The following NEK10 variants were observed in gnomAD, a reference collection of about 807,000 sequenced individuals.
The protein encoded by NEK10 is serine/threonine-protein kinase Nek10.
In NEK10, 122 loss-of-function variants were observed where a neutral mutation model predicts 159.8. The ratio of observed to expected loss-of-function variants is 0.76; its 90% CI spans 0.66 to 0.89. The LOEUF is 0.89. NEK10 is among the 40% of genes least tolerant of loss of function. NEK10 has a pLI of 0.00. For missense variants in NEK10, 1,342 were observed against 1,323.1 expected, an observed-to-expected ratio of 1.01 and a Z score of -0.22; for synonymous variants, 466 against 457.1, an observed-to-expected ratio of 1.02 and a Z score of -0.25.
chr3:27,156,849 T>C (rs1359439620), intron 30 of NEK10, among the ~76,000 whole-genome samples: 1 of 148,152 alleles, frequency 6.7e-6, no homozygotes, highest in African/African-American at 2.5e-5. Flanking sequence ...CCCATGCATG[T>C]TTGTAGCCAC....
chr3:27,149,846 C>A (rs1468359532), intron 30 of NEK10, among the ~76,000 whole-genome samples: 1 of 152,170 alleles, frequency 6.6e-6, no homozygotes, highest in Non-Finnish European at 1.5e-5. Flanking sequence ...AGCCAAGATA[C>A]CAGAAAGCTA....
rs1233337167 is a variant in NEK10, at chr3:27,107,824, G to A, written c.*3448C>T. On this transcript the variant is annotated 3_prime_UTR_variant, in exon 36 of 36. Coordinates refer to ENST00000691995, the MANE Select transcript of NEK10 (RefSeq NM_001394966.1). ...AGTTCCTTAAAAAGAAGTTTTTCCT[G>A]CCTTCAGACAGGAGCTAAAGTCATT... is the stretch of plus-strand genomic sequence containing the variant. 6.6e-6 allele frequency among the ~76,000 whole-genome samples: 1 copy of A among 152,140 alleles called. No individual in the cohort carries two copies.
chr3:27,327,406 A>C (rs1165509601), intron 5 of NEK10, among the ~76,000 whole-genome samples: 1 of 152,202 alleles, frequency 6.6e-6, no homozygotes, highest in Non-Finnish European at 1.5e-5. Flanking sequence ...CACTGTTTTC[A>C]CAGGACTATT....
At chr3:27,307,751 C>G in intron 11 of NEK10, 108 bp downstream of exon 11, 1 of 676,028 alleles carries the variant, frequency 1.5e-6, no homozygotes, top group Non-Finnish European at 2.7e-6. Flanking sequence ...CAAGCTGACT[C>G]ATCATATTCA....
chr3:27,205,531 C>T (rs1348003771), intron 23 of NEK10, among the ~76,000 whole-genome samples: 7 of 102,340 alleles, frequency 6.8e-5, no homozygotes, highest in African/African-American at 1.4e-4. Context: ...TGGAACAGAA[C>T]AGAGCCCTCA....
chr3:27,317,665 T>C (rs1559491879), intron 6 of NEK10, among the ~76,000 whole-genome samples: 1 of 152,236 alleles, frequency 6.6e-6, no homozygotes, highest in South Asian at 2.1e-4. Context: ...GCTCTCATCC[T>C]AAGCCTACGT....
chr3:27,309,134 A>T, intron 9 of NEK10, 129 bp from the exon 10 acceptor site: 3 of 496,408 alleles, frequency 6.0e-6, no homozygotes, highest in Non-Finnish European at 7.3e-6. Flanking sequence ...AAGATCATAT[A>T]GGCTTAACTG....
chr3:27,133,216 T>C (rs1942814343), intron 31 of NEK10, among the ~76,000 whole-genome samples: 1 of 152,214 alleles, frequency 6.6e-6, no homozygotes, highest in Non-Finnish European at 1.5e-5. Context: ...ACCTCTATTG[T>C]GTCAAGCCAA....
chr3:27,135,131 A>G (rs1046772739), intron 31 of NEK10, among the ~76,000 whole-genome samples: 1 of 152,086 alleles, frequency 6.6e-6, no homozygotes, highest in Non-Finnish European at 1.5e-5. Flanking sequence ...GTTTAGAAAC[A>G]TTTTCAGCCA....
rs991163917 is a variant in NEK10, at chr3:27,110,397, A to G, written c.*875T>C. ...TTTCAAAATCCTAAACAATTCATAA[A>G]CAATTTAGGTAATTGTAATAAGGAG... On this transcript the variant is annotated 3_prime_UTR_variant, in exon 36 of 36. Transcript: ENST00000691995. 2 of 152,196 alleles carry G rather than the reference A, an allele frequency of 1.3e-5. No individual in the cohort carries two copies. Among genetic ancestry groups the G allele is most frequent in the African/African-American group, 4.8e-5 (2 of 41,454 alleles). 9.4% of individuals were successfully genotyped at this position (152,196 alleles called of 1,614,324 possible). A position where few individuals can be genotyped will look rare whatever the true frequency, so the allele number is the denominator to read the frequency against.
At chr3:27,313,694 GCT>G (rs1395060618) in intron 7 of NEK10, among the ~76,000 whole-genome samples, 4 of 152,002 alleles carry the variant, frequency 2.6e-5, no homozygotes, top group African/African-American at 9.7e-5. Context: ...AATGCTAAGG[GCT>G]TCAGCCTTCC....
chr3:27,313,713 C>T (rs757978504), intron 7 of NEK10, among the ~76,000 whole-genome samples: 38 of 152,234 alleles, frequency 2.5e-4, no homozygotes, highest in Admixed American at 4.6e-4. Flanking sequence ...TTCCAGCCAT[C>T]GCCCCTTTTG....
chr3:27,346,798 G>A (rs2047585413), intron 3 of NEK10, among the ~76,000 whole-genome samples: 1 of 152,152 alleles, frequency 6.6e-6, no homozygotes, highest in Admixed American at 6.5e-5. Flanking sequence ...CTTTTAATCA[G>A]TCTGAACATC....
intron 23 of NEK10, among the ~76,000 whole-genome samples, chr3:27,219,134 G>C (rs1951844799): frequency 1.3e-5 from 2 of 152,138 alleles, no homozygotes; most frequent in African/African-American, 2.4e-5. Context: ...CCTCTTGTCA[G>C]TGTTATAACC....
chr3:27,119,745 G>A lies in NEK10; in HGVS notation c.3190+15C>T. 1.9e-6 allele frequency: 3 copies of A among 1,579,372 alleles called. No individual in the cohort carries two copies. The highest frequency in any genetic ancestry group is 2.6e-6 in the Non-Finnish European group (3 of 1,148,576). ...TCTTCATGAAAGCCAGGTTACCCAT[G>A]TTGATCACTATTACCTGTAGGGTCA... On this transcript the variant is annotated intron_variant, in intron 33 of 35. Coordinates refer to ENST00000691995, the MANE Select transcript of NEK10 (RefSeq NM_001394966.1).
chr3:27,116,335 T>A (rs1940425408), intron 33 of NEK10, among the ~76,000 whole-genome samples: 1 of 152,122 alleles, frequency 6.6e-6, no homozygotes, highest in Non-Finnish European at 1.5e-5. Flanking sequence ...TCCTTGGGCA[T>A]GGGCATCACA....
chr3:27,359,201 CA>C (rs5847459), intron 1 of NEK10, among the ~76,000 whole-genome samples: 20 of 135,086 alleles, frequency 1.5e-4, no homozygotes, highest in East Asian at 2.1e-4. Context: ...AACTCCATTT[CA>C]AAAAAAAAAA....
At chr3:27,114,034 G>A (rs1271036444) in intron 35 of NEK10, among the ~76,000 whole-genome samples, 1 of 152,154 alleles carries the variant, frequency 6.6e-6, no homozygotes, top group Non-Finnish European at 1.5e-5. Context: ...ATCCATGATA[G>A]TATGCTTATG....
At chr3:27,295,017 C>T (rs912394675) in intron 15 of NEK10, among the ~76,000 whole-genome samples, 1 of 152,072 alleles carries the variant, frequency 6.6e-6, no homozygotes, top group Non-Finnish European at 1.5e-5. Flanking sequence ...ACACCCACTC[C>T]TCAAAAATGA....
Sources: gnomAD v4.1 joint callset for allele counts (sites outside exome capture counted in the v4.1 genomes callset) on GRCh38, gnomAD v4.1.1 for gene constraint, MANE v1.5 for transcripts, NCBI Gene and HGNC (gene_info 2026-07-23, HGNC 2026-07-21) for gene names.